Variants in LRP6 observed in about 807,000 individuals in gnomAD.
LRP6 encodes the protein low-density lipoprotein receptor-related protein 6.
In LRP6, 43 loss-of-function variants were observed where a neutral mutation model predicts 184.1. The ratio of observed to expected loss-of-function variants is 0.23; its 90% CI spans 0.18 to 0.30. LRP6 has a LOEUF of 0.30. Ranked by LOEUF, LRP6 falls within the 10% of genes least tolerant of loss-of-function variation. The pLI, the probability that LRP6 is intolerant of heterozygous loss-of-function variation, is 1.00. For synonymous variants in LRP6, 719 were observed against 684.9 expected, an observed-to-expected ratio of 1.05 and a Z score of -0.78; for missense variants, 1,571 against 2,005.3, an observed-to-expected ratio of 0.78 and a Z score of 4.14.
chr12:12,134,757 C>A (rs1381963047), intron 17 of LRP6, among the ~76,000 whole-genome samples: 2 of 151,966 alleles, frequency 1.3e-5, no homozygotes, highest in African/African-American at 2.4e-5. Context: ...AGGGGGGAGG[C>A]TACTTTAATA....
chr12:12,188,084 C>T (rs1197831358), intron 3 of LRP6, among the ~76,000 whole-genome samples: 4 of 151,638 alleles, frequency 2.6e-5, no homozygotes, highest in East Asian at 1.9e-4. Flanking sequence ...TGGTGGTGGG[C>T]GCCTGTAATC....
intron 15 of LRP6, chr12:12,139,032 G>A (rs1949891650): frequency 2.3e-6 from 3 of 1,286,596 alleles, no homozygotes; most frequent in Non-Finnish European, 3.1e-6. Flanking sequence ...ACTCTGAGGA[G>A]GCAACTTCTG....
intron 1 of LRP6, among the ~76,000 whole-genome samples, chr12:12,260,621 T>C (rs954465637): frequency 1.3e-5 from 2 of 152,200 alleles, no homozygotes; most frequent in African/African-American, 4.8e-5. Context: ...GCCATCTTAA[T>C]AATAGCAACC....
chr12:12,148,241 C>T lies in LRP6; in HGVS notation c.3207-685G>A, dbSNP rs111393854. Among the ~76,000 whole-genome samples, 642 of 151,582 alleles carry T rather than the reference C, an allele frequency of 4.2e-3. 5 individuals are homozygous for T. The highest frequency in any genetic ancestry group is 0.014 in the African/African-American group (593 of 41,370). ...GCACACATATGTTTTCAGAATAATA[C>T]GACAAATTAAAGATCAGTGACTAGA... On this transcript the variant is annotated intron_variant, in intron 14 of 22. Coordinates refer to ENST00000261349, the MANE Select transcript of LRP6 (RefSeq NM_002336.3).
rs771197012 is a variant in LRP6, at chr12:12,126,743, A to C, written c.4260T>G (p.Ser1420=). 1.2e-5 allele frequency: 19 copies of C among 1,614,174 alleles called. No homozygotes were observed. The highest frequency in any genetic ancestry group is 1.6e-5 in the Non-Finnish European group (19 of 1,179,992). The stretch of plus-strand genomic sequence containing the variant: ...GGTGTGGCACATAACCAAGAGGCAC[A>C]GAAGCTGGTCCATGAACTACATAGT... ...TNDYVVHGPA[S]VPLGYVPHPS... is the part of the protein sequence containing the mutation. Residue 1420 remains serine (S), a synonymous_variant, in exon 20 of 23, where the codon TCT becomes TCG. Coordinates refer to ENST00000261349, the MANE Select transcript of LRP6 (RefSeq NM_002336.3).
At position 12,137,881 on chromosome 12, in the gene LRP6, G is replaced by A. The variant is rs147515689; in HGVS notation, c.3607+444C>T. Among the ~76,000 whole-genome samples, 106 of 152,180 alleles carry A rather than the reference G, an allele frequency of 7.0e-4. No individual in the cohort carries two copies. The East Asian group carries it at 0.019, about 28-fold the overall frequency. ...ACATAAGGCTTTAAAAGCATGAAGAGGCTGGGTGTGGTGGATCACACCTGT... is the reference window on the plus strand; with the variant it reads ...ACATAAGGCTTTAAAAGCATGAAGAAGCTGGGTGTGGTGGATCACACCTGT... On this transcript the variant is annotated intron_variant, in intron 16 of 22. Coordinates refer to ENST00000261349, the MANE Select transcript of LRP6 (RefSeq NM_002336.3).
chr12:12,122,878 C>A (rs561004108), intron 22 of LRP6, among the ~76,000 whole-genome samples: 42 of 152,062 alleles, frequency 2.8e-4, no homozygotes, highest in African/African-American at 9.9e-4. Flanking sequence ...CTGCCAGAGA[C>A]CAAAAGTTAT....
At chr12:12,232,169 G>A in intron 2 of LRP6, among the ~76,000 whole-genome samples, 1 of 151,864 alleles carries the variant, frequency 6.6e-6, no homozygotes, top group East Asian at 1.9e-4. Flanking sequence ...AGATCACGAG[G>A]TCAGGAGATC....
intron 7 of LRP6, among the ~76,000 whole-genome samples, chr12:12,170,776 G>A (rs1827045575): frequency 5.0e-5 from 7 of 140,910 alleles, no homozygotes. Flanking sequence ...ATTCTAATAT[G>A]AAGTTAAAAT....
intron 6 of LRP6, 145 bp downstream of exon 6, chr12:12,180,892 TATTCTA>T: frequency 1.3e-6 from 1 of 786,922 alleles, no homozygotes; most frequent in Non-Finnish European, 2.1e-6. Flanking sequence ...CTTGAGATTG[TATTCTA>T]ATCACCATAT....
chr12:12,151,180 G>A (rs1391756346), intron 12 of LRP6, 142 bp from the exon 13 acceptor site: 12 of 767,974 alleles, frequency 1.6e-5, no homozygotes, highest in Non-Finnish European at 2.6e-5. Context: ...AAAATTCTTT[G>A]GCATGCCCTC....
intron 3 of LRP6, among the ~76,000 whole-genome samples, chr12:12,190,424 C>T (rs887139130): frequency 6.6e-6 from 1 of 152,212 alleles, no homozygotes; most frequent in Non-Finnish European, 1.5e-5. Flanking sequence ...AGACTCCCCC[C>T]AACCTCACTG....
intron 3 of LRP6, among the ~76,000 whole-genome samples, chr12:12,201,473 C>A (rs12299540): frequency 6.6e-6 from 1 of 152,008 alleles, no homozygotes; most frequent in Non-Finnish European, 1.5e-5. Context: ...CAGCAAATAG[C>A]TGTGGCTATT....
At chr12:12,148,914 G>T (rs530905201) in intron 14 of LRP6, 28 bp downstream of exon 14, 1 of 1,548,588 alleles carries the variant, frequency 6.5e-7, no homozygotes, top group Admixed American at 1.7e-5. Context: ...AGAAGCCACA[G>T]TATCTGAACG....
In LRP6 at chr12:12,119,488, C is replaced by A. The variant is rs932348617; in HGVS notation, c.*1638G>T. 1 of 152,218 alleles carries A rather than the reference C, an allele frequency of 6.6e-6. No homozygotes were observed. Among genetic ancestry groups the A allele is most frequent in the Non-Finnish European group, 1.5e-5 (1 of 68,082 alleles). The allele number at this position is 152,218 out of a possible 1,614,324, so 9.4% of individuals were successfully genotyped here. A position where few individuals can be genotyped will look rare whatever the true frequency, so the allele number is the denominator to read the frequency against. On this transcript the variant is annotated 3_prime_UTR_variant, in exon 23 of 23. Coordinates refer to ENST00000261349, the MANE Select transcript of LRP6 (RefSeq NM_002336.3). ...AGGAAACGAACTTCTGGCAAGGTGG[C>A]AGAGCAAGTGCTAGAATCATTCCAC... is the stretch of plus-strand genomic sequence containing the variant.
rs1360696586 is a variant in LRP6 at position 12,126,589 on chromosome 12, T to C, written c.4312+102A>G. On this transcript the variant is annotated intron_variant, in intron 20 of 22. Transcript: ENST00000261349. Reference sequence around the variant, plus strand: ...TTATAATTGTTTAAACTCAGAGTAATATGGTTTCAGACAGACTCTAGGTAG... The same window carrying C: ...TTATAATTGTTTAAACTCAGAGTAACATGGTTTCAGACAGACTCTAGGTAG... The C allele has an allele frequency of 3.3e-6, 3 of 911,572 alleles. No individual in the cohort carries two copies. The African/African-American group carries it at 4.9e-5, about 15-fold the overall frequency. 56.5% of individuals were successfully genotyped at this position (911,572 alleles called of 1,614,324 possible).
chr12:12,176,884 G>C (rs1162553945), intron 7 of LRP6, among the ~76,000 whole-genome samples: 1 of 85,582 alleles, frequency 1.2e-5, no homozygotes, highest in Non-Finnish European at 2.3e-5. Context: ...TCTTGTTCTT[G>C]TCCCCCAGGC....
At chr12:12,124,493 G>A (rs1949646115) in intron 22 of LRP6, 72 bp downstream of exon 22, 1 of 1,037,278 alleles carries the variant, frequency 9.6e-7, no homozygotes, top group Admixed American at 1.7e-5. Context: ...CTCATTTGGG[G>A]CTATATCAGG....
At chr12:12,127,554 C>T (rs757658444) in intron 19 of LRP6, among the ~76,000 whole-genome samples, 2 of 152,120 alleles carry the variant, frequency 1.3e-5, no homozygotes, top group Admixed American at 6.6e-5. Flanking sequence ...GTCTTTAATA[C>T]CTGATTACTG....
Sources: gnomAD v4.1 joint callset for allele counts (sites outside exome capture counted in the v4.1 genomes callset) on GRCh38, gnomAD v4.1.1 for gene constraint, MANE v1.5 for transcripts, NCBI Gene and HGNC (gene_info 2026-07-23, HGNC 2026-07-21) for gene names.